Variants in NT5M observed in about 807,000 individuals in gnomAD.
NT5M encodes the protein 5',3'-nucleotidase, mitochondrial, also known as 5'(3')-deoxyribonucleotidase, mitochondrial.
NT5M carries 22 observed loss-of-function variants against 22.2 expected under a neutral mutation model. The ratio of observed to expected loss-of-function variants is 0.99; its 90% CI spans 0.71 to 1.41. The LOEUF is 1.41. Among genes scored for constraint, NT5M ranks in the 40% most tolerant of loss-of-function variants. NT5M has a pLI of 0.00. For missense variants in NT5M, 322 were observed against 314.8 expected (o/e 1.02, Z -0.17); for synonymous variants, 167 against 133.0 (o/e 1.26, Z -1.76).
At chr17:17,315,665 G>A (rs1433188061) in intron 2 of NT5M, among the ~76,000 whole-genome samples, 2 of 146,818 alleles carry the variant, frequency 1.4e-5, no homozygotes, top group Non-Finnish European at 3.0e-5. Flanking sequence ...GCTGGCACTG[G>A]AACTTAGGAA....
At chr17:17,345,110 G>A (rs2049730854) in intron 4 of NT5M, 2 of 593,454 alleles carry the variant, frequency 3.4e-6, no homozygotes, top group South Asian at 7.4e-5. Context: ...GGAGGAGTGG[G>A]TGCCAGCTCT....
intron 2 of NT5M, among the ~76,000 whole-genome samples, chr17:17,316,628 G>A (rs980453006): frequency 3.3e-5 from 5 of 151,966 alleles, no homozygotes; most frequent in Non-Finnish European, 5.9e-5. Flanking sequence ...AGCTCTCCTC[G>A]GCCTCCCGAA....
intron 2 of NT5M, among the ~76,000 whole-genome samples, chr17:17,318,989 T>A (rs534295886): frequency 5.5e-4 from 83 of 151,686 alleles, no homozygotes; most frequent in African/African-American, 2.0e-3. Context: ...GGCACGTGGA[T>A]CACCAGAGGT....
chr17:17,323,358 C>A (rs950226408), intron 3 of NT5M, 113 bp downstream of exon 3: 11 of 884,080 alleles, frequency 1.2e-5, no homozygotes, highest in Non-Finnish European at 2.1e-5. Flanking sequence ...TCCCCCACCT[C>A]TGTGACAGCG....
At chr17:17,307,255 G>A (rs563935336) in intron 2 of NT5M, among the ~76,000 whole-genome samples, 4 of 152,192 alleles carry the variant, frequency 2.6e-5, no homozygotes, top group South Asian at 4.1e-4. Flanking sequence ...ACTGCAGGCC[G>A]CAGTGTTTCA....
chr17:17,310,792 G>A (rs1248296099), intron 2 of NT5M, among the ~76,000 whole-genome samples: 1 of 145,534 alleles, frequency 6.9e-6, no homozygotes, highest in Non-Finnish European at 1.5e-5. Flanking sequence ...GGGGGAGGGG[G>A]AGGGTTTGCA....
chr17:17,335,780 G>A (rs765917116), intron 3 of NT5M, among the ~76,000 whole-genome samples: 2 of 151,120 alleles, frequency 1.3e-5, no homozygotes, highest in South Asian at 2.1e-4. Flanking sequence ...CTACAGGCAC[G>A]TGCCACCATG....
intron 2 of NT5M, among the ~76,000 whole-genome samples, chr17:17,308,114 C>T (rs1304371013): frequency 6.6e-6 from 1 of 152,134 alleles, no homozygotes; most frequent in Non-Finnish European, 1.5e-5. Flanking sequence ...AAAAGAGGTT[C>T]AGCGGGAAAC....
At chr17:17,325,586 C>T (rs1036993313) in intron 3 of NT5M, among the ~76,000 whole-genome samples, 1 of 152,234 alleles carries the variant, frequency 6.6e-6, no homozygotes, top group East Asian at 1.9e-4. Flanking sequence ...AAACTGCCTG[C>T]TCCTTTCAGT....
intron 3 of NT5M, among the ~76,000 whole-genome samples, chr17:17,325,720 C>A (rs2049251724): frequency 6.6e-6 from 1 of 152,194 alleles, no homozygotes. Flanking sequence ...GGCCTGCCTG[C>A]CTCTCCACCC....
At chr17:17,315,571 C>G (rs779602672) in intron 2 of NT5M, among the ~76,000 whole-genome samples, 4 of 152,016 alleles carry the variant, frequency 2.6e-5, no homozygotes, top group Non-Finnish European at 5.9e-5. Flanking sequence ...CGGGACAGGC[C>G]TTGCAGGCCA....
chr17:17,336,861 G>GTATA (rs2049524945), intron 3 of NT5M, among the ~76,000 whole-genome samples: 1 of 152,128 alleles, frequency 6.6e-6, no homozygotes, highest in Admixed American at 6.6e-5. Context: ...ACTTGATTGT[G>GTATA]TATATTTACC....
At chr17:17,332,015 C>T (rs1471208737) in intron 3 of NT5M, among the ~76,000 whole-genome samples, 2 of 151,800 alleles carry the variant, frequency 1.3e-5, no homozygotes, top group African/African-American at 4.9e-5. Context: ...TTCCCGACCT[C>T]ATGATCCACC....
chr17:17,331,927 C>T (rs1012723664), intron 3 of NT5M, among the ~76,000 whole-genome samples: 1 of 151,224 alleles, frequency 6.6e-6, no homozygotes, highest in Non-Finnish European at 1.5e-5. Flanking sequence ...ACTACAGGCG[C>T]CCACCACCAT....
At chr17:17,336,000 CTTTTTTTT>C (rs1167144502) in intron 3 of NT5M, among the ~76,000 whole-genome samples, 1 of 98,920 alleles carries the variant, frequency 1.0e-5, no homozygotes, top group African/African-American at 4.0e-5. Flanking sequence ...CTTATTCATT[CTTTTTTTT>C]TTTTTTTTTT....
At chr17:17,323,108 G>A in intron 2 of NT5M, 77 bp from the exon 3 acceptor site, 2 of 1,131,788 alleles carry the variant, frequency 1.8e-6, no homozygotes, top group South Asian at 2.5e-5. Flanking sequence ...GCCCTGTGAA[G>A]GCAGGGCAGG....
At chr17:17,323,642 C>T (rs371057544) in intron 3 of NT5M, among the ~76,000 whole-genome samples, 4 of 152,192 alleles carry the variant, frequency 2.6e-5, no homozygotes, top group Non-Finnish European at 4.4e-5. Flanking sequence ...GAAATTGAGA[C>T]CTTTCTGGAA....
At chr17:17,333,804 C>T (rs966142030) in intron 3 of NT5M, among the ~76,000 whole-genome samples, 3 of 151,490 alleles carry the variant, frequency 2.0e-5, no homozygotes, top group African/African-American at 7.3e-5. Context: ...ATTACAGGCA[C>T]CTACCACCAT....
At chr17:17,333,305 T>TC in intron 3 of NT5M, among the ~76,000 whole-genome samples, 1 of 152,138 alleles carries the variant, frequency 6.6e-6, no homozygotes. Context: ...ATTTTCTTTT[T>TC]CTTTTTTTTC....
Sources: allele counts gnomAD v4.1 joint callset (sites outside exome capture counted in the v4.1 genomes callset), GRCh38; gene constraint gnomAD v4.1.1; transcripts MANE v1.5; gene names NCBI Gene and HGNC (gene_info 2026-07-23, HGNC 2026-07-21).